The following ACP7 variants were observed in gnomAD, a reference collection of about 807,000 sequenced individuals.
ACP7 encodes acid phosphatase type 7.
ACP7 carries 58 observed loss-of-function variants against 60.6 expected under a neutral mutation model. That is an observed-to-expected ratio of 0.96 (90% CI 0.77 to 1.19). The LOEUF (loss-of-function observed/expected upper bound fraction) is 1.19. Ranked by LOEUF, ACP7 falls within the 50% of genes most tolerant of loss-of-function variation. The probability of loss-of-function intolerance (pLI) is 0.00; values close to 1 mark genes in which losing one functional copy is unlikely to be tolerated. For synonymous variants in ACP7, 237 were observed against 232.6 expected, an observed-to-expected ratio of 1.02 and a Z score of -0.17; for missense variants, 574 against 596.2, an observed-to-expected ratio of 0.96 and a Z score of 0.39.
intron 4 of ACP7, among the ~76,000 whole-genome samples, chr19:39,099,490 G>A (rs910465752): frequency 6.6e-6 from 1 of 152,166 alleles, no homozygotes; most frequent in African/African-American, 2.4e-5. Flanking sequence ...GTGCACTTCG[G>A]TGTCCTTGTG....
chr19:39,094,648 T>A (rs2073246305), intron 2 of ACP7, among the ~76,000 whole-genome samples: 1 of 150,706 alleles, frequency 6.6e-6, no homozygotes, highest in Non-Finnish European at 1.5e-5. Flanking sequence ...CATGGCAAGA[T>A]CCCATCTCTA....
At position 39,100,358 on chromosome 19, in the gene ACP7, C is replaced by T. The variant is rs577912847; in HGVS notation, c.629+8C>T. On this transcript the variant is annotated splice_region_variant and intron_variant, in intron 5 of 12. Transcript: ENST00000331256. ...GAATCATGAAGAACGCTAGTGAGGA[C>T]TGAGGGTGGTGGCGGTGGGCGAGGG... 4.3e-6 allele frequency: 7 copies of T among 1,613,808 alleles called. No homozygotes were observed. Among genetic ancestry groups the T allele is most frequent in the East Asian group, 2.2e-5 (1 of 44,872 alleles).
intron 11 of ACP7, among the ~76,000 whole-genome samples, chr19:39,104,831 G>A (rs1046103552): frequency 2.6e-5 from 4 of 151,936 alleles, no homozygotes; most frequent in Admixed American, 6.6e-5. Context: ...GTTGCAGTGA[G>A]CCGAGATCGT....
chr19:39,098,563 G>A lies in ACP7; in HGVS notation c.227G>A (p.Gly76Asp). ...PSGPLPLRAQGTFVPFVDGGI... is the reference protein window; with the variant it reads ...PSGPLPLRAQDTFVPFVDGGI... ...GGGCCCCTGCCCCTCCGCGCCCAGG[G>A]CACCTTCGTCCCCTTTGTGGACGGG... Residue 76 changes from glycine (G) to aspartate (D), a missense_variant, in exon 3 of 13, where the codon GGC becomes GAC. Transcript: ENST00000331256. 6.2e-7 allele frequency: 1 copy of A among 1,613,442 alleles called. No homozygotes were observed. Among genetic ancestry groups the A allele is most frequent in the Non-Finnish European group, 8.5e-7 (1 of 1,179,726 alleles).
In ACP7 at chr19:39,098,493, TG is replaced by T. The variant is rs1451453330; in HGVS notation, c.160del (p.Val54SerfsTer147). 1 of 1,581,284 alleles carries T rather than the reference TG, an allele frequency of 6.3e-7. No homozygotes were observed. Among genetic ancestry groups the T allele is most frequent in the Admixed American group, 1.7e-5 (1 of 57,918 alleles). On this transcript the variant is annotated frameshift_variant, in exon 3 of 13. Transcript: ENST00000331256. LOFTEE classifies it high-confidence loss of function. ...PGSMTVTWTT[W>X]VPTRSEVQFG... is the part of the protein sequence containing the mutation. Reference sequence around the variant, plus strand: ...CTCCATGACTGTAACTTGGACCACATGGGTCCCAACCCGCTCTGAAGTGCAA... The same window carrying T: ...CTCCATGACTGTAACTTGGACCACATGGTCCCAACCCGCTCTGAAGTGCAA...
upstream of ACP7, chr19:39,084,021 C>G (rs79637822): frequency 6.6e-6 from 1 of 152,358 alleles, no homozygotes; most frequent in East Asian, 1.9e-4. Flanking sequence ...AGGATAGGGG[C>G]CGGTGTCCGT....
intron 2 of ACP7, among the ~76,000 whole-genome samples, chr19:39,086,659 T>C (rs7251359): frequency 0.39 from 51,140 of 132,132 alleles, 10,621 homozygotes; most frequent in East Asian, 0.58. Flanking sequence ...GGGAGGGGGA[T>C]AGAACGGAGC....
intron 7 of ACP7, 42 bp downstream of exon 7, chr19:39,100,895 AC>A (rs1186067887): frequency 1.0e-6 from 1 of 990,682 alleles, no homozygotes; most frequent in East Asian, 4.0e-5. Flanking sequence ...GGCCAGCCCC[AC>A]CTCCCCCTCC....
chr19:39,101,666 G>A, intron 11 of ACP7, 129 bp downstream of exon 11: 1 of 1,006,314 alleles, frequency 9.9e-7, no homozygotes, highest in Non-Finnish European at 1.5e-6. Flanking sequence ...CTAAGGTCGG[G>A]AACTCCTAGC....
intron 2 of ACP7, among the ~76,000 whole-genome samples, chr19:39,088,240 C>A (rs2073166354): frequency 6.6e-6 from 1 of 152,012 alleles, no homozygotes; most frequent in African/African-American, 2.4e-5. Flanking sequence ...CCAGGCTGGT[C>A]TCAAACTCCT....
chr19:39,104,411 T>A (rs1425195468), intron 11 of ACP7, among the ~76,000 whole-genome samples: 1 of 152,174 alleles, frequency 6.6e-6, no homozygotes, highest in African/African-American at 2.4e-5. Context: ...TGCTTGGGCC[T>A]GACCCCGGAC....
intron 2 of ACP7, among the ~76,000 whole-genome samples, chr19:39,094,072 A>G (rs1171215501): frequency 1.3e-5 from 2 of 152,290 alleles, no homozygotes; most frequent in African/African-American, 2.4e-5. Context: ...AACTCTTAAC[A>G]TTACACTACA....
intron 2 of ACP7, among the ~76,000 whole-genome samples, chr19:39,097,797 C>A (rs1279733561): frequency 6.6e-6 from 1 of 152,004 alleles, no homozygotes; most frequent in East Asian, 1.9e-4. Flanking sequence ...ATACTCATTC[C>A]CGCATATAAC....
intron 2 of ACP7, among the ~76,000 whole-genome samples, chr19:39,095,554 C>A (rs1446826423): frequency 6.6e-6 from 1 of 152,222 alleles, no homozygotes; most frequent in Non-Finnish European, 1.5e-5. Context: ...CACAGGCTGG[C>A]ATTGAGTTTC....
intron 3 of ACP7, 139 bp from the exon 4 acceptor site, chr19:39,098,821 G>A: frequency 7.3e-7 from 1 of 1,377,394 alleles, no homozygotes; most frequent in Non-Finnish European, 9.7e-7. Context: ...AAGGTGCCGG[G>A]GAAGGCAGAC....
chr19:39,105,066 G>A (rs1466611646), intron 11 of ACP7, among the ~76,000 whole-genome samples: 1 of 151,704 alleles, frequency 6.6e-6, no homozygotes, highest in Non-Finnish European at 1.5e-5. Flanking sequence ...CCAGGCTGGA[G>A]TGCAATTGGC....
Position 39,100,756 on chromosome 19 carries a change from C to T in ACP7, c.710C>T (p.Ala237Val). 6.2e-7 allele frequency: 1 copy of T among 1,614,030 alleles called. No homozygotes were observed. Among genetic ancestry groups the T allele is most frequent in the Non-Finnish European group, 8.5e-7 (1 of 1,179,998 alleles). Reference protein sequence around the residue: ...GLWYSWDLGPAHIISFSTEVY... With the variant: ...GLWYSWDLGPVHIISFSTEVY... ...TCCTCCAGCTGGGATCTGGGTCCCG[C>T]CCACATCATCTCCTTCTCCACCGAG... The change falls in exon 7 of 13, where the codon GCC (alanine) becomes GTC (valine). Residue 237 changes from alanine (A) to valine (V), a missense_variant. Physicochemically the swap from Ala to Val is moderately conservative, Grantham distance 64 (BLOSUM62 0). Transcript: ENST00000331256.
intron 4 of ACP7, 46 bp from the exon 5 acceptor site, chr19:39,100,181 C>G: frequency 6.2e-7 from 1 of 1,604,484 alleles, no homozygotes; most frequent in Non-Finnish European, 8.5e-7. Flanking sequence ...CCAGTGAAAG[C>G]AGAGCTGGGC....
intron 11 of ACP7, among the ~76,000 whole-genome samples, chr19:39,103,051 TGGTCTCAAACTCCGGACCTCGG>T (rs2073373302): frequency 6.6e-6 from 1 of 151,962 alleles, no homozygotes; most frequent in East Asian, 1.9e-4. Context: ...CTGGCGAGGC[TGGTCTCAAACTCCGGACCTCGG>T]GTGATCAGCC....
Sources: allele counts gnomAD v4.1 joint callset (sites outside exome capture counted in the v4.1 genomes callset), GRCh38; gene constraint gnomAD v4.1.1; transcripts MANE v1.5; gene names NCBI Gene and HGNC (gene_info 2026-07-23, HGNC 2026-07-21).